Variants in REPS2 observed in about 807,000 individuals in gnomAD.
REPS2 encodes the protein RALBP1 associated Eps domain containing 2, also known as ralBP1-associated Eps domain-containing protein 2.
In REPS2, 23 loss-of-function variants were observed where a neutral mutation model predicts 53.6. The ratio of observed to expected loss-of-function variants is 0.43; its 90% CI spans 0.31 to 0.61. The LOEUF is 0.61. Ranked by LOEUF, REPS2 falls within the 20% of genes least tolerant of loss-of-function variation. The pLI is 0.11. For synonymous variants in REPS2, 238 were observed against 218.6 expected, an observed-to-expected ratio of 1.09 and a Z score of -0.78; for missense variants, 446 against 534.9, an observed-to-expected ratio of 0.83 and a Z score of 1.64.
In REPS2 at chrX:17,152,120, A is replaced by G. The variant is rs903015412; in HGVS notation, c.*4639A>G. On this transcript the variant is annotated 3_prime_UTR_variant, in exon 18 of 18. Coordinates refer to ENST00000357277, the MANE Select transcript of REPS2 (RefSeq NM_004726.3). The stretch of plus-strand genomic sequence containing the variant: ...GTTATGTGAATTTCCCGAGAGCAGC[A>G]GACATGGAGGGCCAGACTTTAAAAG... 1.8e-5 allele frequency: 2 copies of G among 111,784 alleles called. No individual in the cohort carries two copies. Among genetic ancestry groups the G allele is most frequent in the African/African-American group, 6.5e-5 (2 of 30,716 alleles). The allele number at this position is 111,784 out of a possible 1,213,427, so 9.2% of individuals were successfully genotyped here. A position where few individuals can be genotyped will look rare whatever the true frequency, so the allele number is the denominator to read the frequency against.
At chrX:17,159,202 A>T in the REPS2 span, among the ~76,000 whole-genome samples, 1 of 111,671 alleles carries the variant, frequency 9.0e-6, no homozygotes, top group Non-Finnish European at 1.9e-5. Context: ...TCCCCAGATG[A>T]TACTTTAGAG....
intron 1 of REPS2, among the ~76,000 whole-genome samples, chrX:16,954,544 A>G (rs994391506): frequency 1.8e-5 from 2 of 111,564 alleles, no homozygotes; most frequent in African/African-American, 6.5e-5. Context: ...CCTGTGGCCT[A>G]TGGTCAAATG....
intron 15 of REPS2, among the ~76,000 whole-genome samples, chrX:17,134,194 A>T (rs921442325): frequency 9.0e-6 from 1 of 111,183 alleles, no homozygotes; most frequent in African/African-American, 3.3e-5. Flanking sequence ...GTGGGGAGGG[A>T]CAGATGTCTT....
At chrX:17,093,201 A>T (rs1355116760) in intron 13 of REPS2, among the ~76,000 whole-genome samples, 1 of 22,516 alleles carries the variant, frequency 4.4e-5, no homozygotes, top group Non-Finnish European at 7.2e-5. Flanking sequence ...TATATATATA[A>T]TTTTTTTTTT....
At chrX:17,127,465 G>T (rs779380872) in intron 14 of REPS2, among the ~76,000 whole-genome samples, 1 of 112,274 alleles carries the variant, frequency 8.9e-6, no homozygotes, top group Non-Finnish European at 1.9e-5. Flanking sequence ...CGTACTGGAA[G>T]AGATTTAATT....
At chrX:17,070,019 T>A in intron 11 of REPS2, 26 bp downstream of exon 11, 1 of 848,851 alleles carries the variant, frequency 1.2e-6, no homozygotes, top group Non-Finnish European at 1.6e-6. Context: ...TTTTGTATAC[T>A]TTATATATAA....
At chrX:17,003,953 A>G (rs2061333935) in intron 1 of REPS2, among the ~76,000 whole-genome samples, 1 of 112,043 alleles carries the variant, frequency 8.9e-6, no homozygotes, top group African/African-American at 3.2e-5. Context: ...ATTTGTATCC[A>G]GCATCCCAGC....
chrX:17,071,184 G>A (rs2087477491), intron 11 of REPS2, among the ~76,000 whole-genome samples: 1 of 112,262 alleles, frequency 8.9e-6, no homozygotes, highest in African/African-American at 3.2e-5. Flanking sequence ...TGGGTGAAAT[G>A]CTCTGTTAAT....
intron 2 of REPS2, among the ~76,000 whole-genome samples, chrX:17,021,823 A>G (rs2061581289): frequency 8.9e-6 from 1 of 112,616 alleles, no homozygotes; most frequent in Non-Finnish European, 1.9e-5. Flanking sequence ...TGTATTATAC[A>G]GTGTCATATC....
chrX:17,005,275 A>T (rs2061350959), intron 1 of REPS2, among the ~76,000 whole-genome samples: 1 of 111,375 alleles, frequency 9.0e-6, no homozygotes, highest in Admixed American at 9.6e-5. Context: ...TGAAGAGAAG[A>T]CATTTTAATG....
chrX:16,951,794 C>T (rs185763455), intron 1 of REPS2, among the ~76,000 whole-genome samples: 31 of 111,505 alleles, frequency 2.8e-4, no homozygotes, highest in South Asian at 1.9e-3. Context: ...ATTAACAGAC[C>T]GCTTTATAAT....
chrX:17,062,088 A>G (rs1290906640), intron 8 of REPS2, among the ~76,000 whole-genome samples: 3 of 112,432 alleles, frequency 2.7e-5, no homozygotes, highest in Non-Finnish European at 5.6e-5. Flanking sequence ...TGTGATAGTG[A>G]TGGTTATTGT....
At chrX:17,100,844 C>T (rs1026731937) in intron 13 of REPS2, among the ~76,000 whole-genome samples, 6 of 110,542 alleles carry the variant, frequency 5.4e-5, no homozygotes, top group South Asian at 7.7e-4. Context: ...TTTAGGAGGC[C>T]GAGGTGGGAG....
intron 15 of REPS2, among the ~76,000 whole-genome samples, chrX:17,134,661 G>A (rs1457924393): frequency 6.4e-5 from 7 of 109,518 alleles, no homozygotes; most frequent in East Asian, 2.9e-4. Context: ...ACAGAGTCTC[G>A]CTTTGTTGCC....
At chrX:16,964,757 C>G (rs1386042164) in intron 1 of REPS2, among the ~76,000 whole-genome samples, 5 of 95,439 alleles carry the variant, frequency 5.2e-5, no homozygotes, top group Non-Finnish European at 6.6e-5. Context: ...CCCCTCACCT[C>G]CCGGACGGGG....
At chrX:17,131,537 G>C (rs2063291686) in intron 14 of REPS2, among the ~76,000 whole-genome samples, 1 of 111,719 alleles carries the variant, frequency 9.0e-6, no homozygotes, top group South Asian at 3.8e-4. Context: ...ATTATCTGTG[G>C]GTCAGTAGAT....
rs1004918774 is a variant in REPS2, at chrX:17,150,458, A to G, written c.*2977A>G. 1 of 112,832 alleles carries G rather than the reference A, an allele frequency of 8.9e-6. No individual in the cohort carries two copies. Among genetic ancestry groups the G allele is most frequent in the Non-Finnish European group, 1.9e-5 (1 of 53,419 alleles). 9.3% of individuals were successfully genotyped at this position (112,832 alleles called of 1,213,427 possible). A position where few individuals can be genotyped will look rare whatever the true frequency, so the allele number is the denominator to read the frequency against. ...CCTCGGCATCTCTCGTATGTGGCAT[A>G]TTGCTTTTGCCACTTTCCTATCCAG... is the stretch of plus-strand genomic sequence containing the variant. On this transcript the variant is annotated 3_prime_UTR_variant, in exon 18 of 18. Coordinates refer to ENST00000357277, the MANE Select transcript of REPS2 (RefSeq NM_004726.3).
At chrX:17,012,116 A>G (rs1036877983) in intron 2 of REPS2, among the ~76,000 whole-genome samples, 1 of 111,002 alleles carries the variant, frequency 9.0e-6, no homozygotes. Context: ...ATGGTGGCTC[A>G]TGCCTGTAAT....
chrX:17,196,224 C>T, the REPS2 span, among the ~76,000 whole-genome samples: 1 of 111,503 alleles, frequency 9.0e-6, no homozygotes, highest in Admixed American at 9.5e-5. Context: ...TTTTTAAAAA[C>T]CCTTACTGGG....
Sources: allele counts gnomAD v4.1 joint callset (sites outside exome capture counted in the v4.1 genomes callset), GRCh38; gene constraint gnomAD v4.1.1; transcripts MANE v1.5; gene names NCBI Gene and HGNC (gene_info 2026-07-23, HGNC 2026-07-21).